Variants in BABAM2 observed in about 807,000 individuals in gnomAD.
BABAM2 encodes the protein BRISC and BRCA1-A complex member 2.
A neutral mutation model predicts 54.7 loss-of-function variants in BABAM2; 31 were observed. The ratio of observed to expected loss-of-function variants is 0.57; its 90% CI spans 0.43 to 0.77. The LOEUF (loss-of-function observed/expected upper bound fraction) is 0.77, where lower values mean the gene tolerates loss of function less well. Ranked by LOEUF, BABAM2 falls within the 30% of genes least tolerant of loss-of-function variation. BABAM2 has a pLI of 0.00. For synonymous variants in BABAM2, 167 were observed against 162.9 expected (o/e 1.03, Z -0.19); for missense variants, 364 against 455.8 (o/e 0.80, Z 1.83).
chr2:28,040,050 T>C (rs897296150), intron 5 of BABAM2, among the ~76,000 whole-genome samples: 10 of 152,128 alleles, frequency 6.6e-5, no homozygotes, highest in African/African-American at 2.4e-4. Flanking sequence ...AAAGCAATCT[T>C]TGACATTACA....
chr2:28,210,485 A>G (rs1573850598), intron 7 of BABAM2, among the ~76,000 whole-genome samples: 1 of 152,192 alleles, frequency 6.6e-6, no homozygotes, highest in East Asian at 1.9e-4. Flanking sequence ...CTAAGTATTA[A>G]AGAAGGCCTT....
chr2:28,135,863 G>A (rs11883683), intron 7 of BABAM2, among the ~76,000 whole-genome samples: 2,033 of 149,982 alleles, frequency 0.014, 44 homozygotes, highest in African/African-American at 0.05. Flanking sequence ...TGGGTCCTGA[G>A]GGGCTCTTAA....
chr2:28,238,886 C>A (rs1479895947), intron 8 of BABAM2, among the ~76,000 whole-genome samples: 1 of 152,014 alleles, frequency 6.6e-6, no homozygotes, highest in African/African-American at 2.4e-5. Context: ...AAGAATCAGT[C>A]AATTTTTCTT....
intron 2 of BABAM2, 65 bp downstream of exon 2, chr2:27,894,749 C>T: frequency 2.5e-6 from 4 of 1,580,616 alleles, no homozygotes; most frequent in Non-Finnish European, 3.5e-6. Context: ...AATGACAGCC[C>T]TTCCTTACCA....
chr2:28,254,728 A>AT (rs759661036), intron 10 of BABAM2, among the ~76,000 whole-genome samples: 29,559 of 122,416 alleles, frequency 0.24, 4,897 homozygotes, highest in Non-Finnish European at 0.35. Context: ...TTTTTTTTCA[A>AT]TTTTTTTTTT....
intron 6 of BABAM2, among the ~76,000 whole-genome samples, chr2:28,047,708 T>C (rs935900122): frequency 6.6e-6 from 1 of 152,254 alleles, no homozygotes; most frequent in Non-Finnish European, 1.5e-5. Context: ...GTTTAACCCC[T>C]GCATTACTGT....
chr2:28,137,246 G>A (rs989477251), intron 7 of BABAM2, among the ~76,000 whole-genome samples: 4 of 152,054 alleles, frequency 2.6e-5, no homozygotes, highest in African/African-American at 4.8e-5. Flanking sequence ...ATGTTTTCTC[G>A]AGTCACTGAG....
intron 6 of BABAM2, among the ~76,000 whole-genome samples, chr2:28,114,963 A>G (rs1573610356): frequency 6.6e-6 from 1 of 152,214 alleles, no homozygotes; most frequent in Non-Finnish European, 1.5e-5. Context: ...ACTGGCAAAT[A>G]TATGTAGTCA....
chr2:28,163,936 A>G (rs1399348615), intron 7 of BABAM2, among the ~76,000 whole-genome samples: 2 of 152,202 alleles, frequency 1.3e-5, no homozygotes, highest in Admixed American at 6.5e-5. Flanking sequence ...GCCCACTGCT[A>G]TGCACCTCTT....
chr2:28,106,546 C>G (rs915190999), intron 6 of BABAM2, among the ~76,000 whole-genome samples: 2 of 152,178 alleles, frequency 1.3e-5, no homozygotes, highest in African/African-American at 4.8e-5. Context: ...TTGGATTTGT[C>G]TGATGTTCAC....
chr2:28,296,550 G>C (rs552636451), intron 10 of BABAM2, among the ~76,000 whole-genome samples: 17 of 152,230 alleles, frequency 1.1e-4, no homozygotes, highest in African/African-American at 4.1e-4. Flanking sequence ...GAGTTTTTTG[G>C]CTTCTCCTTA....
At chr2:27,975,750 AG>A in intron 3 of BABAM2, among the ~76,000 whole-genome samples, 1 of 2,302 alleles carries the variant, frequency 4.3e-4, no homozygotes, top group East Asian at 0.12. Context: ...GAGACTGTTA[AG>A]AGGAAGAGGA....
rs534053777 is a variant in BABAM2, at chr2:27,977,234, T to G, written c.206-10759T>G. On this transcript the variant is annotated intron_variant, in intron 3 of 11. Coordinates refer to ENST00000379624, the MANE Select transcript of BABAM2 (RefSeq NM_199191.3). ...TTATTATTGGTTAGACATTATTGTT[T>G]AAATTATTGCACCCAAGATTGTTTA... Among the ~76,000 whole-genome samples the G allele has an allele frequency of 1.1e-4, 16 of 152,318 alleles. No individual in the cohort carries two copies. The East Asian group carries it at 3.1e-3, about 29-fold the overall frequency.
intron 6 of BABAM2, among the ~76,000 whole-genome samples, chr2:28,094,747 A>G (rs1213103315): frequency 1.3e-5 from 2 of 151,734 alleles, no homozygotes; most frequent in Non-Finnish European, 2.9e-5. Flanking sequence ...TTTCTTATGT[A>G]TCTTTCCAGG....
chr2:28,098,149 C>G (rs752430708), intron 6 of BABAM2, among the ~76,000 whole-genome samples: 3 of 152,128 alleles, frequency 2.0e-5, no homozygotes, highest in Non-Finnish European at 2.9e-5. Context: ...GGAATGTTGT[C>G]ATCTTTACTA....
At chr2:28,064,209 A>C (rs545288094) in intron 6 of BABAM2, among the ~76,000 whole-genome samples, 1 of 152,372 alleles carries the variant, frequency 6.6e-6, no homozygotes, top group South Asian at 2.1e-4. Context: ...TTTCTAAAAA[A>C]GTGACATTAG....
chr2:28,186,958 A>G (rs1275108841), intron 7 of BABAM2, among the ~76,000 whole-genome samples: 2 of 152,084 alleles, frequency 1.3e-5, no homozygotes, highest in African/African-American at 2.4e-5. Context: ...GGCACCCGCC[A>G]ACAAGCCCGG....
intron 3 of BABAM2, among the ~76,000 whole-genome samples, chr2:27,932,414 TTTTG>T (rs1252036975): frequency 2.6e-5 from 4 of 152,196 alleles, no homozygotes; most frequent in Non-Finnish European, 5.9e-5. Flanking sequence ...GGGATTATAT[TTTTG>T]TTTATCATAT....
chr2:28,098,925 T>G (rs919885492), intron 6 of BABAM2, among the ~76,000 whole-genome samples: 2 of 152,196 alleles, frequency 1.3e-5, no homozygotes, highest in African/African-American at 4.8e-5. Context: ...TCACAGACTT[T>G]AAACTGTCTT....
Sources: allele counts gnomAD v4.1 joint callset (sites outside exome capture counted in the v4.1 genomes callset), GRCh38; gene constraint gnomAD v4.1.1; transcripts MANE v1.5; gene names NCBI Gene and HGNC (gene_info 2026-07-23, HGNC 2026-07-21).